The following STK32C variants were observed in gnomAD, a reference collection of about 807,000 sequenced individuals.
STK32C encodes the protein serine/threonine kinase 32C.
A neutral mutation model predicts 56.5 loss-of-function variants in STK32C; 31 were observed. That is an observed-to-expected ratio of 0.55 (90% CI 0.41 to 0.74). STK32C has a LOEUF of 0.74. Ranked by LOEUF, STK32C falls within the 30% of genes least tolerant of loss-of-function variation. The pLI is 0.00. For synonymous variants in STK32C, 309 were observed against 289.4 expected (o/e 1.07, Z -0.69); for missense variants, 544 against 676.9 (o/e 0.80, Z 2.18).
intron 1 of STK32C, among the ~76,000 whole-genome samples, chr10:132,304,241 G>T (rs1296400309): frequency 6.6e-6 from 1 of 152,168 alleles, no homozygotes; most frequent in Non-Finnish European, 1.5e-5. Context: ...GGGGAGCACT[G>T]CAGAGTCGGG....
intron 10 of STK32C, among the ~76,000 whole-genome samples, chr10:132,220,639 A>T (rs1379153918): frequency 6.6e-6 from 1 of 152,240 alleles, no homozygotes; most frequent in African/African-American, 2.4e-5. Flanking sequence ...TCCCATCTCT[A>T]CCACCATCAC....
chr10:132,229,575 T>C (rs2137748774), intron 2 of STK32C, among the ~76,000 whole-genome samples: 1 of 152,254 alleles, frequency 6.6e-6, no homozygotes, highest in South Asian at 2.1e-4. Flanking sequence ...TGGTAACATG[T>C]TTGTTCTGGG....
At chr10:132,331,987 G>C (rs2066787202), upstream of STK32C, 2 of 433,864 alleles carry the variant, frequency 4.6e-6, no homozygotes, top group African/African-American at 4.7e-5. Flanking sequence ...CCGGGCAGGC[G>C]CACCACACCC....
Position 132,221,203 on chromosome 10 carries a change from G to A in STK32C, c.1251+1438C>T, listed in dbSNP as rs369499326. Among the ~76,000 whole-genome samples, 409 of 82,216 alleles carry A rather than the reference G, an allele frequency of 5.0e-3. 5 individuals are homozygous for A. Among genetic ancestry groups the A allele is most frequent in the African/African-American group, 0.017 (362 of 21,424 alleles). The allele number at this position is 82,216 out of a possible 152,430, so 53.9% of individuals were successfully genotyped here. A position where few individuals can be genotyped will look rare whatever the true frequency, so the allele number is the denominator to read the frequency against. On this transcript the variant is annotated intron_variant, in intron 10 of 11. Transcript: ENST00000298630. ...TGTGAGGGCTTCACGTGGCTGTCCC[G>A]GCACACACACCTGATGCTGACGCAC...
In STK32C at chr10:132,207,842, G is replaced by C. The variant is rs1394606372; in HGVS notation, c.*168C>G. 6.1e-6 allele frequency: 5 copies of C among 823,626 alleles called. No homozygotes were observed. The highest frequency in any genetic ancestry group is 8.1e-6 in the Non-Finnish European group (5 of 615,456). The allele number at this position is 823,626 out of a possible 1,614,324, so 51.0% of individuals were successfully genotyped here. A position where few individuals can be genotyped will look rare whatever the true frequency, so the allele number is the denominator to read the frequency against. ...GTGTCCCCTGCACCCACAGCCTCTT[G>C]TCCCCTGCACCACCACGAGCCTGAG... is the stretch of plus-strand genomic sequence containing the variant. On this transcript the variant is annotated 3_prime_UTR_variant, in exon 12 of 12. Coordinates refer to ENST00000298630, the MANE Select transcript of STK32C (RefSeq NM_173575.4).
intron 1 of STK32C, among the ~76,000 whole-genome samples, chr10:132,264,643 G>C (rs992892228): frequency 6.6e-6 from 1 of 152,228 alleles, no homozygotes; most frequent in African/African-American, 2.4e-5. Flanking sequence ...GAGCTGATGG[G>C]GGGCATGGAT....
intron 1 of STK32C, among the ~76,000 whole-genome samples, chr10:132,285,513 T>C (rs1013883253): frequency 1.3e-5 from 2 of 152,192 alleles, no homozygotes; most frequent in African/African-American, 4.8e-5. Flanking sequence ...GGGTGGAAAA[T>C]GATACATCAT....
chr10:132,269,681 C>T (rs537196070), intron 1 of STK32C, among the ~76,000 whole-genome samples: 1 of 152,380 alleles, frequency 6.6e-6, no homozygotes, highest in East Asian at 1.9e-4. Context: ...CAACCACATC[C>T]ACCTGGGAGC....
intron 1 of STK32C, among the ~76,000 whole-genome samples, chr10:132,300,062 G>T (rs548943903): frequency 1.3e-5 from 2 of 152,348 alleles, no homozygotes; most frequent in African/African-American, 2.4e-5. Flanking sequence ...TGCGTGCAAC[G>T]CCCGTGCTAG....
intron 10 of STK32C, among the ~76,000 whole-genome samples, chr10:132,213,175 G>T (rs1565061651): frequency 6.6e-6 from 1 of 152,234 alleles, no homozygotes; most frequent in Admixed American, 6.5e-5. Flanking sequence ...GCTCTCCAAA[G>T]GAAAGGCTTA....
At chr10:132,286,493 C>T (rs2065409096) in intron 1 of STK32C, among the ~76,000 whole-genome samples, 1 of 152,072 alleles carries the variant, frequency 6.6e-6, no homozygotes. Context: ...AAACACAGGC[C>T]AATATCCCTA....
intron 1 of STK32C, among the ~76,000 whole-genome samples, chr10:132,263,559 C>T (rs540328806): frequency 3.9e-5 from 6 of 152,168 alleles, no homozygotes; most frequent in East Asian, 1.9e-4. Context: ...ACCCAGGCAA[C>T]GAACCTGCAC....
intron 1 of STK32C, among the ~76,000 whole-genome samples, chr10:132,318,537 C>T (rs1322044711): frequency 6.6e-6 from 1 of 151,366 alleles, no homozygotes; most frequent in African/African-American, 2.4e-5. Context: ...ATTACTTGAA[C>T]CTGGGAGGCG....
intron 1 of STK32C, among the ~76,000 whole-genome samples, chr10:132,314,672 G>T (rs1238392847): frequency 6.6e-6 from 1 of 152,110 alleles, no homozygotes; most frequent in Non-Finnish European, 1.5e-5. Context: ...AAAGTAAAAA[G>T]ATGGAAAAAA....
At chr10:132,210,399 G>A (rs2137561205) in intron 10 of STK32C, among the ~76,000 whole-genome samples, 1 of 152,344 alleles carries the variant, frequency 6.6e-6, no homozygotes, top group South Asian at 2.1e-4. Flanking sequence ...TGGGATTACA[G>A]GTGCCCACCA....
In STK32C at chr10:132,328,894, A is replaced by G. The variant is rs565536907; in HGVS notation, c.301+2542T>C. On this transcript the variant is annotated intron_variant, in intron 1 of 1. Transcript: ENST00000368619. ...TTCCCAACGGCAAGGCCAGGCAAGC[A>G]CCCAAGCATGACCCCAAAAGGCTGG... 2.0e-5 allele frequency among the ~76,000 whole-genome samples: 3 copies of G among 152,356 alleles called. No individual in the cohort carries two copies. In the South Asian group the frequency reaches 6.2e-4, roughly 32 times the overall value.
intron 2 of STK32C, among the ~76,000 whole-genome samples, chr10:132,238,854 C>G (rs534998975): frequency 4.6e-5 from 7 of 152,088 alleles, no homozygotes; most frequent in African/African-American, 1.7e-4. Flanking sequence ...CACAGACATG[C>G]AGGCACACAC....
At chr10:132,247,456 C>T (rs1021128108) in intron 1 of STK32C, among the ~76,000 whole-genome samples, 1 of 152,172 alleles carries the variant, frequency 6.6e-6, no homozygotes, top group African/African-American at 2.4e-5. Flanking sequence ...TGACAAGGAC[C>T]CACGGAGGCT....
At chr10:132,298,216 C>T (rs2065811679) in intron 1 of STK32C, among the ~76,000 whole-genome samples, 1 of 152,342 alleles carries the variant, frequency 6.6e-6, no homozygotes, top group East Asian at 1.9e-4. Flanking sequence ...CCTGTGTGGT[C>T]CCTCCCCTGA....
Sources: allele counts gnomAD v4.1 joint callset (sites outside exome capture counted in the v4.1 genomes callset), GRCh38; gene constraint gnomAD v4.1.1; transcripts MANE v1.5; gene names NCBI Gene and HGNC (gene_info 2026-07-23, HGNC 2026-07-21).